The following CLUH variants were observed in gnomAD, a reference collection of about 807,000 sequenced individuals.
CLUH encodes CLUH binding protein of NUMT mRNA.
In CLUH, 77 loss-of-function variants were observed where a neutral mutation model predicts 139.3. The ratio of observed to expected loss-of-function variants is 0.55; its 90% CI spans 0.46 to 0.67. CLUH has a LOEUF of 0.67. CLUH is among the 30% of genes least tolerant of loss of function. The pLI is 0.00. For missense variants in CLUH, 1,876 were observed against 1,875.8 expected (o/e 1.00, Z 0.00); for synonymous variants, 999 against 801.6 (o/e 1.25, Z -4.16).
Position 2,700,711 on chromosome 17 carries a change from C to T in CLUH, c.1140G>A (p.Ser380=), listed in dbSNP as rs771109808. 6.6e-5 allele frequency: 101 copies of T among 1,534,584 alleles called. No individual in the cohort carries two copies. The highest frequency in any genetic ancestry group is 7.6e-5 in the Non-Finnish European group (87 of 1,145,178). The part of the protein sequence containing the change: ...DCVRAEDAYT[S]RLGYEEHIPG... ...GAATGTGCTCCTCATAGCCCAGCCT[C>T]GAGGTGTAGGCGTCCTCTGCACGCA... The change falls in exon 8 of 26, where the codon TCG becomes TCA. Residue 380 remains serine (S), a synonymous_variant. Coordinates refer to ENST00000651024, the MANE Select transcript of CLUH (RefSeq NM_001366661.1).
chr17:2,699,716 C>A (rs1296318215), intron 9 of CLUH, among the ~76,000 whole-genome samples: 1 of 151,750 alleles, frequency 6.6e-6, no homozygotes, highest in Non-Finnish European at 1.5e-5. Context: ...ACTGCAACCT[C>A]CGCCTATTGG....
chr17:2,694,822 T>G, intron 16 of CLUH, 35 bp downstream of exon 16: 66 of 1,346,194 alleles, frequency 4.9e-5, no homozygotes, highest in East Asian at 7.7e-5. Flanking sequence ...ATCTGCCCAA[T>G]CCCACCCACC....
chr17:2,690,646 A>G lies in CLUH; in HGVS notation c.3995T>C (p.Leu1332Pro), dbSNP rs1403150077. 1.3e-6 allele frequency: 2 copies of G among 1,525,076 alleles called. No homozygotes were observed. The highest frequency in any genetic ancestry group is 1.7e-6 in the Non-Finnish European group (2 of 1,143,020). 94.5% of individuals were successfully genotyped at this position (1,525,076 alleles called of 1,614,324 possible). ...EPAPAGAPGDLGSQPPAAKDP... is the reference protein window; with the variant it reads ...EPAPAGAPGDPGSQPPAAKDP... ...CTTGGCAGCCGGGGGCTGGGAGCCCAGGTCTCCTGGGGCCCCCGCTGGCGC... is the reference window on the plus strand; with the variant it reads ...CTTGGCAGCCGGGGGCTGGGAGCCCGGGTCTCCTGGGGCCCCCGCTGGCGC... Residue 1332 changes from leucine (L) to proline (P), a missense_variant, in exon 26 of 26, where the codon CTG becomes CCG. By Grantham distance (98) the Leu-to-Pro change is moderately conservative. This residue lies in a region of CLUH where 1,454 missense variants were observed against 1,384.4 expected (regional missense o/e 1.05). Coordinates refer to ENST00000651024, the MANE Select transcript of CLUH (RefSeq NM_001366661.1).
In CLUH at chr17:2,701,431, A is replaced by G. The variant is rs369638073; in HGVS notation, c.834T>C (p.Phe278=). ...RKMHGDLMYL[F]VITAEDRQVS... ...CTTGCCGGTCCTCGGCTGTGATCAC[A>G]AACAGGTACATGAGGTCCCCGTGCA... The change falls in exon 6 of 26, where the codon TTT becomes TTC. Residue 278 remains phenylalanine, a synonymous_variant. Transcript: ENST00000651024. 7.4e-6 allele frequency: 12 copies of G among 1,613,090 alleles called. No individual in the cohort carries two copies. In the African/African-American group the frequency reaches 1.6e-4, roughly 22 times the overall value.
rs1406429122 is a variant in CLUH at position 2,701,753 on chromosome 17, CTGG to C, written c.620-19_620-17del. On this transcript the variant is annotated splice_polypyrimidine_tract_variant and intron_variant, in intron 4 of 25. Transcript: ENST00000651024. ...TTCCCGCTGTCTGAGGGACCCGAGGCTGGTGGTCAGCACAGGGCCACCCAGGGC... is the reference window on the plus strand; with the variant it reads ...TTCCCGCTGTCTGAGGGACCCGAGGCTGGTCAGCACAGGGCCACCCAGGGC... 1 of 1,556,882 alleles carries C rather than the reference CTGG, an allele frequency of 6.4e-7. No individual in the cohort carries two copies. Among genetic ancestry groups the C allele is most frequent in the South Asian group, 1.2e-5 (1 of 81,590 alleles).
Position 2,703,173 on chromosome 17 carries a change from G to A in CLUH, c.475+145C>T. 1 of 835,664 alleles carries A rather than the reference G, an allele frequency of 1.2e-6. No individual in the cohort carries two copies. Among genetic ancestry groups the A allele is most frequent in the Non-Finnish European group, 1.8e-6 (1 of 542,776 alleles). 51.8% of individuals were successfully genotyped at this position (835,664 alleles called of 1,614,324 possible). The stretch of plus-strand genomic sequence containing the variant: ...TGGGCCGTGAAGTTGGCAGATATAG[G>A]TGTGCTGGCCTGAGAAGCAGATCTG... On this transcript the variant is annotated intron_variant, in intron 3 of 25. Transcript: ENST00000651024. This position sits in a 1 kb window ranked among gnomAD's most constrained non-coding sequence, Gnocchi z 4.2.
chr17:2,707,868 G>T lies in CLUH; in HGVS notation c.101-3304C>A, dbSNP rs1440922699. ...GACCTGGCTGCCAGCCCCTTCCTGG[G>T]AGTCACTGGTTCTGGTGGAAGGGAG... On this transcript the variant is annotated intron_variant, in intron 1 of 25. Coordinates refer to ENST00000651024, the MANE Select transcript of CLUH (RefSeq NM_001366661.1). The surrounding 1 kb of genome is among the most constrained non-coding windows in gnomAD (Gnocchi z 7.4). 45 of 985,460 alleles carry T rather than the reference G, an allele frequency of 4.6e-5. No individual in the cohort carries two copies. The highest frequency in any genetic ancestry group is 5.4e-5 in the Non-Finnish European group (45 of 829,932). 61.0% of individuals were successfully genotyped at this position (985,460 alleles called of 1,614,324 possible).
intron 4 of CLUH, 63 bp from the exon 5 acceptor site, chr17:2,701,800 C>T (rs1567593827): frequency 7.0e-6 from 11 of 1,563,074 alleles, no homozygotes; most frequent in Admixed American, 5.5e-5. Flanking sequence ...TCCCTACCTC[C>T]TGATGGCCGT....
At chr17:2,699,471 C>A (rs2070097676) in intron 9 of CLUH, among the ~76,000 whole-genome samples, 2 of 152,002 alleles carry the variant, frequency 1.3e-5, no homozygotes, top group Admixed American at 1.3e-4. Flanking sequence ...GGACTACAGG[C>A]ACATGCCACC....
intron 16 of CLUH, 36 bp downstream of exon 16, chr17:2,694,821 A>AAACCACCCCCCCCACCCCCCCAGCC: frequency 6.9e-7 from 1 of 1,446,332 alleles, no homozygotes; most frequent in Non-Finnish European, 9.2e-7. Context: ...CATCTGCCCA[A>AAACCACCCCCCCCACCCCCCCAGCC]TCCCACCCAC....
chr17:2,707,997 C>T lies in CLUH; in HGVS notation c.101-3433G>A, dbSNP rs932807567. Reference sequence around the variant, plus strand: ...CTCCATCTTCCCTTCCCAGCAGCCCCGGCTCTGCCAGGAGGGAACCAAGTC... The same window carrying T: ...CTCCATCTTCCCTTCCCAGCAGCCCTGGCTCTGCCAGGAGGGAACCAAGTC... On this transcript the variant is annotated intron_variant, in intron 1 of 25. Transcript: ENST00000651024. The surrounding 1 kb of genome is among the most constrained non-coding windows in gnomAD (Gnocchi z 7.4). 8.1e-6 allele frequency: 8 copies of T among 985,330 alleles called. No individual in the cohort carries two copies. Among genetic ancestry groups the T allele is most frequent in the Non-Finnish European group, 9.6e-6 (8 of 829,924 alleles). The allele number at this position is 985,330 out of a possible 1,614,324, so 61.0% of individuals were successfully genotyped here. A position where few individuals can be genotyped will look rare whatever the true frequency, so the allele number is the denominator to read the frequency against.
At chr17:2,692,523 C>G in intron 21 of CLUH, 41 bp from the exon 22 acceptor site, 1 of 1,599,080 alleles carries the variant, frequency 6.3e-7, no homozygotes. Context: ...GCTCCCGGTC[C>G]CCTGGGATGG....
chr17:2,692,715 C>T lies in CLUH; in HGVS notation c.3313-19G>A. The T allele has an allele frequency of 1.9e-6, 3 of 1,608,194 alleles. No individual in the cohort carries two copies. The highest frequency in any genetic ancestry group is 1.1e-5 in the South Asian group (1 of 90,814). The stretch of plus-strand genomic sequence containing the variant: ...GGTGCATCTGCGGGCGGGGCGGAGA[C>T]AGGTCAGGGTGGCCGCGGACCCAGC... On this transcript the variant is annotated intron_variant, in intron 20 of 25. Coordinates refer to ENST00000651024, the MANE Select transcript of CLUH (RefSeq NM_001366661.1).
At position 2,690,106 on chromosome 17, in the gene CLUH, G is replaced by C. The variant is rs1037023925; in HGVS notation, c.*488C>G. 6.5e-6 allele frequency: 1 copy of C among 154,354 alleles called. No homozygotes were observed. The highest frequency in any genetic ancestry group is 2.4e-5 in the African/African-American group (1 of 41,504). 9.6% of individuals were successfully genotyped at this position (154,354 alleles called of 1,614,324 possible). On this transcript the variant is annotated 3_prime_UTR_variant, in exon 26 of 26. Coordinates refer to ENST00000651024, the MANE Select transcript of CLUH (RefSeq NM_001366661.1). ...CACCGGGTTTTTCGGCCTAAACCCT[G>C]AACTTTCAGACAGGCTGGGCCCGGG...
chr17:2,694,635 C>G, intron 16 of CLUH, 71 bp from the exon 17 acceptor site: 1 of 1,426,822 alleles, frequency 7.0e-7, no homozygotes, highest in Non-Finnish European at 9.6e-7. Flanking sequence ...CCACCCAGCT[C>G]CCCAACGCTG....
At chr17:2,695,572 C>A in intron 13 of CLUH, 46 bp from the exon 14 acceptor site, 1 of 1,530,818 alleles carries the variant, frequency 6.5e-7, no homozygotes, top group South Asian at 1.2e-5. Context: ...CCTCTGCCTC[C>A]ACCCAACTGA....
chr17:2,695,157 T>C, intron 15 of CLUH, 56 bp from the exon 16 acceptor site: 5 of 1,613,590 alleles, frequency 3.1e-6, no homozygotes, highest in Non-Finnish European at 4.2e-6. Context: ...CTCAGGCTCT[T>C]TCCCGACGCC....
Position 2,692,652 on chromosome 17 carries a change from G to C in CLUH, c.3357C>G (p.Thr1119=), listed in dbSNP as rs1018767226. Residue 1119 remains threonine, a synonymous_variant, in exon 21 of 26, where the codon ACC becomes ACG. Coordinates refer to ENST00000651024, the MANE Select transcript of CLUH (RefSeq NM_001366661.1). ...LYCFASSQLS[T]ALSLLYRARY... ...GGGCGCGGTACAGCAGGCTCAGGGC[G>C]GTGGACAGCTGGCTGCTGGCGAAGC... The C allele has an allele frequency of 1.2e-6, 2 of 1,612,514 alleles. No individual in the cohort carries two copies. The highest frequency in any genetic ancestry group is 1.1e-5 in the South Asian group (1 of 91,044).
At chr17:2,701,071 G>A in intron 7 of CLUH, 69 bp downstream of exon 7, 1 of 1,608,758 alleles carries the variant, frequency 6.2e-7, no homozygotes, top group Non-Finnish European at 8.5e-7. Flanking sequence ...GCACTGGAGT[G>A]CAGGTGGGCC....
Sources: allele counts gnomAD v4.1 joint callset (sites outside exome capture counted in the v4.1 genomes callset), GRCh38; gene constraint gnomAD v4.1.1; regional missense constraint gnomAD v4.1.1; non-coding constraint Gnocchi (gnomAD v3.1); transcripts MANE v1.5; gene names NCBI Gene and HGNC (gene_info 2026-07-23, HGNC 2026-07-21).